Variants in SNAP47 observed in about 807,000 individuals in gnomAD.
SNAP47 encodes the protein synaptosomal-associated protein 47.
A neutral mutation model predicts 31.4 loss-of-function variants in SNAP47; 20 were observed. The observed-to-expected ratio is 0.64, with a 90% CI of 0.45 to 0.93. The LOEUF is 0.93. Among genes scored for constraint, SNAP47 ranks in the 40% least tolerant of loss-of-function variants. SNAP47 has a pLI of 0.00. For synonymous variants in SNAP47, 194 were observed against 213.4 expected (o/e 0.91, Z 0.79); for missense variants, 492 against 528.5 (o/e 0.93, Z 0.68).
intron 4 of SNAP47, among the ~76,000 whole-genome samples, chr1:227,777,962 C>T (rs571908131): frequency 2.0e-5 from 3 of 152,374 alleles, no homozygotes; most frequent in South Asian, 4.1e-4. Context: ...AAATGTGCCA[C>T]GTTCTTAGAA....
intron 1 of SNAP47, chr1:227,736,605 T>C (rs1352638435): frequency 1.4e-5 from 2 of 144,726 alleles, no homozygotes; most frequent in Non-Finnish European, 3.0e-5. Flanking sequence ...ATGAATTCTT[T>C]AATTCTGCTT....
chr1:227,756,580 A>G (rs1350386923), intron 2 of SNAP47, among the ~76,000 whole-genome samples: 1 of 152,132 alleles, frequency 6.6e-6, no homozygotes, highest in Non-Finnish European at 1.5e-5. Flanking sequence ...GAAGCATCCT[A>G]CCATCCTCAG....
At chr1:227,744,945 G>A (rs1267882901) in intron 1 of SNAP47, among the ~76,000 whole-genome samples, 1 of 152,218 alleles carries the variant, frequency 6.6e-6, no homozygotes, top group Non-Finnish European at 1.5e-5. Context: ...ACTTGCCTGA[G>A]CCCACAGCCT....
At chr1:227,738,939 CG>C (rs1558189164) in intron 1 of SNAP47, among the ~76,000 whole-genome samples, 1 of 152,148 alleles carries the variant, frequency 6.6e-6, no homozygotes, top group Admixed American at 6.5e-5. Flanking sequence ...ATGGAGCTCT[CG>C]TTCTTGAGAT....
At chr1:227,757,110 T>C (rs1378521250) in intron 2 of SNAP47, among the ~76,000 whole-genome samples, 12 of 152,230 alleles carry the variant, frequency 7.9e-5, no homozygotes, top group Non-Finnish European at 1.5e-4. Flanking sequence ...TTCTCACATT[T>C]GAGTTCTGGG....
chr1:227,734,778 C>T (rs148842395), upstream of SNAP47: 75 of 1,614,088 alleles, frequency 4.6e-5, no homozygotes, highest in African/African-American at 7.6e-4. Context: ...GAGTTGTATT[C>T]CTGGACCCCA....
intron 2 of SNAP47, among the ~76,000 whole-genome samples, chr1:227,754,701 C>T (rs1489024594): frequency 6.6e-6 from 1 of 152,170 alleles, no homozygotes; most frequent in East Asian, 1.9e-4. Flanking sequence ...AGCTGGTGGC[C>T]TGCCCTGCTC....
upstream of SNAP47, chr1:227,733,835 G>A (rs1558182809): frequency 4.4e-6 from 7 of 1,597,642 alleles, no homozygotes; most frequent in Non-Finnish European, 5.1e-6. Flanking sequence ...CCCCCCTCCT[G>A]CCACCCTGGG....
At chr1:227,754,559 C>A (rs1008155571) in intron 2 of SNAP47, among the ~76,000 whole-genome samples, 2 of 152,222 alleles carry the variant, frequency 1.3e-5, no homozygotes, top group African/African-American at 4.8e-5. Context: ...TCCAGCACTT[C>A]CAAAACGGTT....
chr1:227,735,760 C>T, intron 1 of SNAP47: 1 of 968,754 alleles, frequency 1.0e-6, no homozygotes, highest in Non-Finnish European at 1.2e-6. Flanking sequence ...CTGGGGGGCC[C>T]TGGGATGGTG....
intron 4 of SNAP47, among the ~76,000 whole-genome samples, chr1:227,769,524 T>A (rs575401073): frequency 6.6e-6 from 1 of 152,210 alleles, no homozygotes; most frequent in East Asian, 1.9e-4. Flanking sequence ...GAAACCCCCC[T>A]TCATCCAGCT....
chr1:227,755,369 GTT>G (rs1427146876), intron 2 of SNAP47, among the ~76,000 whole-genome samples: 5 of 151,770 alleles, frequency 3.3e-5, no homozygotes, highest in East Asian at 1.9e-4. Flanking sequence ...TGTCTGGCTA[GTT>G]TTGTTTTCTT....
chr1:227,779,923 C>T (rs1235350798), intron 4 of SNAP47, among the ~76,000 whole-genome samples: 11 of 152,142 alleles, frequency 7.2e-5, no homozygotes, highest in Non-Finnish European at 1.0e-4. Flanking sequence ...GGGCCGGGGA[C>T]CATCTCCCAC....
chr1:227,733,257 A>T, upstream of SNAP47: 1 of 916,414 alleles, frequency 1.1e-6, no homozygotes, highest in Non-Finnish European at 1.6e-6. Flanking sequence ...TGGGTGAAAC[A>T]GAGGCTAGGC....
chr1:227,728,342 C>A (rs923901605), upstream of SNAP47, among the ~76,000 whole-genome samples: 6 of 152,032 alleles, frequency 3.9e-5, no homozygotes, highest in Admixed American at 6.6e-5. Context: ...GTGCTTGCCA[C>A]CGGAGCGGGG....
At chr1:227,780,247 G>T (rs893301329) in intron 4 of SNAP47, among the ~76,000 whole-genome samples, 6 of 152,212 alleles carry the variant, frequency 3.9e-5, no homozygotes, top group African/African-American at 1.4e-4. Flanking sequence ...GCAGCCTGGA[G>T]ATGGCAGGCC....
At chr1:227,736,678 T>C (rs1661208638) in intron 1 of SNAP47, among the ~76,000 whole-genome samples, 1 of 142,990 alleles carries the variant, frequency 7.0e-6, no homozygotes, top group Non-Finnish European at 1.5e-5. Flanking sequence ...TTTTGTTTTT[T>C]TGTTTTTGTT....
chr1:227,753,887 A>T (rs2102937953), intron 2 of SNAP47, among the ~76,000 whole-genome samples: 1 of 152,156 alleles, frequency 6.6e-6, no homozygotes, highest in Non-Finnish European at 1.5e-5. Flanking sequence ...GTGGATGTTT[A>T]CTGCTCCTGG....
chr1:227,728,380 G>A (rs1660443833), upstream of SNAP47, among the ~76,000 whole-genome samples: 1 of 152,080 alleles, frequency 6.6e-6, no homozygotes, highest in African/African-American at 2.4e-5. Context: ...GCTCAGAAGG[G>A]ACCTGAAGCC....
Sources: gnomAD v4.1 joint callset for allele counts (sites outside exome capture counted in the v4.1 genomes callset) on GRCh38, gnomAD v4.1.1 for gene constraint, MANE v1.5 for transcripts, NCBI Gene and HGNC (gene_info 2026-07-23, HGNC 2026-07-21) for gene names.